The following GPC5 variants were observed in gnomAD, a reference collection of about 807,000 sequenced individuals.
GPC5 encodes glypican 5.
A neutral mutation model predicts 53.9 loss-of-function variants in GPC5; 47 were observed. The ratio of observed to expected loss-of-function variants is 0.87; its 90% CI spans 0.69 to 1.11. The LOEUF is 1.11. Ranked by LOEUF, GPC5 falls within the 50% of genes most tolerant of loss-of-function variation. The pLI is 0.00. For missense variants in GPC5, 748 were observed against 713.1 expected (o/e 1.05, Z -0.56); for synonymous variants, 286 against 263.3 (o/e 1.09, Z -0.84).
chr13:92,264,820 T>G (rs1384815494), intron 7 of GPC5, among the ~76,000 whole-genome samples: 1 of 151,758 alleles, frequency 6.6e-6, no homozygotes, highest in Non-Finnish European at 1.5e-5. Context: ...TTCAAATTAT[T>G]GAAACTTTTT....
intron 7 of GPC5, among the ~76,000 whole-genome samples, chr13:92,164,574 G>A (rs111439791): frequency 7.2e-5 from 11 of 152,248 alleles, no homozygotes; most frequent in African/African-American, 1.9e-4. Flanking sequence ...CAGGCCCTCC[G>A]TCCTGACTGC....
chr13:92,779,260 G>C (rs1287641373), intron 7 of GPC5, among the ~76,000 whole-genome samples: 1 of 152,056 alleles, frequency 6.6e-6, no homozygotes, highest in Non-Finnish European at 1.5e-5. Context: ...GTGCAGGAAA[G>C]ACCCACCCCC....
intron 5 of GPC5, among the ~76,000 whole-genome samples, chr13:91,849,412 T>C (rs2038888843): frequency 6.6e-6 from 1 of 152,186 alleles, no homozygotes; most frequent in South Asian, 2.1e-4. Flanking sequence ...AAACCACACG[T>C]GGTTTAATAG....
At chr13:92,645,279 G>A (rs1309893693) in intron 7 of GPC5, among the ~76,000 whole-genome samples, 1 of 152,086 alleles carries the variant, frequency 6.6e-6, no homozygotes, top group African/African-American at 2.4e-5. Context: ...CCAAGTAGCT[G>A]GGACTACAGT....
At chr13:92,654,062 A>G (rs1886046418) in intron 7 of GPC5, among the ~76,000 whole-genome samples, 1 of 152,182 alleles carries the variant, frequency 6.6e-6, no homozygotes, top group African/African-American at 2.4e-5. Flanking sequence ...TACTAAATAG[A>G]TATTTGTTGA....
intron 2 of GPC5, among the ~76,000 whole-genome samples, chr13:91,676,290 T>C (rs1489494443): frequency 6.6e-6 from 1 of 152,100 alleles, no homozygotes; most frequent in Non-Finnish European, 1.5e-5. Context: ...AGGCTGGTCT[T>C]GAACTCCTGG....
rs372545582 is a variant in GPC5 at position 92,239,067 on chromosome 13, A to G, written c.1561+94078A>G. 5.3e-5 allele frequency among the ~76,000 whole-genome samples: 8 copies of G among 150,740 alleles called. No homozygotes were observed. In the East Asian group the frequency reaches 1.6e-3, roughly 30 times the overall value. On this transcript the variant is annotated intron_variant, in intron 7 of 7. Coordinates refer to ENST00000377067, the MANE Select transcript of GPC5 (RefSeq NM_004466.6). ...TAATTGACTATAAATGTGAAGTTTT[A>G]TTTGTAGACTCTCATTAGTACCACA...
chr13:92,385,927 G>T (rs1009977444), intron 7 of GPC5, among the ~76,000 whole-genome samples: 1 of 151,344 alleles, frequency 6.6e-6, no homozygotes, highest in Non-Finnish European at 1.5e-5. Context: ...AGACAGAGTA[G>T]TCTATGGTCT....
chr13:91,456,820 T>C (rs917041345), intron 2 of GPC5, among the ~76,000 whole-genome samples: 2 of 145,024 alleles, frequency 1.4e-5, no homozygotes, highest in African/African-American at 5.2e-5. Flanking sequence ...GCACTTAGCA[T>C]ATGAATATGG....
chr13:92,813,758 T>C (rs1448458043), intron 7 of GPC5, among the ~76,000 whole-genome samples: 1 of 152,010 alleles, frequency 6.6e-6, no homozygotes, highest in African/African-American at 2.4e-5. Flanking sequence ...CCTAAATAAG[T>C]GGCGAGATGT....
At chr13:91,682,026 G>A (rs1271841276) in intron 2 of GPC5, among the ~76,000 whole-genome samples, 1 of 151,994 alleles carries the variant, frequency 6.6e-6, no homozygotes, top group Non-Finnish European at 1.5e-5. Context: ...ATGATAGTAC[G>A]ATATGTGATA....
intron 7 of GPC5, among the ~76,000 whole-genome samples, chr13:92,377,220 T>A (rs947433990): frequency 2.0e-5 from 3 of 152,152 alleles, no homozygotes; most frequent in Admixed American, 2.0e-4. Context: ...TGAAGTTTCA[T>A]TACACTTTGC....
intron 7 of GPC5, among the ~76,000 whole-genome samples, chr13:92,753,854 T>C (rs1225490723): frequency 2.0e-5 from 3 of 152,160 alleles, no homozygotes; most frequent in East Asian, 1.9e-4. Context: ...CTACGTCTGA[T>C]TGGTATACCT....
intron 7 of GPC5, among the ~76,000 whole-genome samples, chr13:92,661,184 A>T (rs915555149): frequency 2.6e-5 from 4 of 152,090 alleles, no homozygotes; most frequent in African/African-American, 9.7e-5. Flanking sequence ...ACTCCCAGCT[A>T]CTAGGGAGGC....
intron 5 of GPC5, among the ~76,000 whole-genome samples, chr13:91,810,210 T>A (rs1284532648): frequency 1.3e-5 from 2 of 151,960 alleles, no homozygotes; most frequent in Non-Finnish European, 2.9e-5. Flanking sequence ...CCCTAAGATG[T>A]CATTTTTCTT....
At chr13:91,407,707 G>A (rs897635678) in intron 1 of GPC5, among the ~76,000 whole-genome samples, 8 of 152,110 alleles carry the variant, frequency 5.3e-5, no homozygotes, top group Non-Finnish European at 1.2e-4. Flanking sequence ...AACTATTCCT[G>A]AGCTGATCAT....
chr13:92,014,294 T>C (rs562475674), intron 6 of GPC5, among the ~76,000 whole-genome samples: 2 of 152,338 alleles, frequency 1.3e-5, no homozygotes, highest in East Asian at 3.9e-4. Flanking sequence ...GATATGCTGA[T>C]GTTTTCAGGT....
At chr13:91,632,884 G>A (rs973235056) in intron 2 of GPC5, among the ~76,000 whole-genome samples, 6 of 152,062 alleles carry the variant, frequency 3.9e-5, no homozygotes, top group South Asian at 2.1e-4. Context: ...GCTGAAACCC[G>A]TGTTGGAATA....
At chr13:92,261,562 T>C (rs1329247124) in intron 7 of GPC5, among the ~76,000 whole-genome samples, 1 of 152,120 alleles carries the variant, frequency 6.6e-6, no homozygotes, top group East Asian at 1.9e-4. Flanking sequence ...GATTTAGAAA[T>C]TGATTTCTGC....
Sources: allele counts gnomAD v4.1 joint callset (sites outside exome capture counted in the v4.1 genomes callset), GRCh38; gene constraint gnomAD v4.1.1; transcripts MANE v1.5; gene names NCBI Gene and HGNC (gene_info 2026-07-23, HGNC 2026-07-21).